The following FGD4 variants were observed in gnomAD, a reference collection of about 807,000 sequenced individuals.
FGD4 encodes the protein FYVE, RhoGEF and PH domain-containing protein 4.
Under a neutral mutation model 102.0 loss-of-function variants are expected in FGD4, and 42 were observed. The observed-to-expected ratio is 0.41, with a 90% confidence interval of 0.32 to 0.53. The LOEUF is 0.53. FGD4 is among the 20% of genes least tolerant of loss of function. The pLI is 0.21. For synonymous variants in FGD4, 380 were observed against 375.7 expected (o/e 1.01, Z -0.13); for missense variants, 902 against 1,078.2 (o/e 0.84, Z 2.29).
At chr12:32,632,113 T>G (rs1950530305) in intron 14 of FGD4, among the ~76,000 whole-genome samples, 1 of 152,186 alleles carries the variant, frequency 6.6e-6, no homozygotes, top group Admixed American at 6.5e-5. Context: ...ATATTTTCTT[T>G]AATATAATTT....
At chr12:32,494,796 T>C (rs1565776033) in intron 1 of FGD4, among the ~76,000 whole-genome samples, 1 of 152,196 alleles carries the variant, frequency 6.6e-6, no homozygotes, top group Non-Finnish European at 1.5e-5. Flanking sequence ...GGAGCTGAGA[T>C]GTCACTGCTG....
chr12:32,537,090 A>G (rs983179983), intron 1 of FGD4, among the ~76,000 whole-genome samples: 1 of 151,968 alleles, frequency 6.6e-6, no homozygotes. Context: ...TTGCATTTTT[A>G]GTAGAGACAG....
At chr12:32,557,112 C>T (rs972328039) in intron 1 of FGD4, 4 of 152,238 alleles carry the variant, frequency 2.6e-5, no homozygotes, top group African/African-American at 9.6e-5. Context: ...CTCACCCTCC[C>T]AAAGTGTTGG....
chr12:32,480,033 CTG>C (rs1373134447), intron 1 of FGD4, among the ~76,000 whole-genome samples: 22 of 152,138 alleles, frequency 1.4e-4, no homozygotes, highest in African/African-American at 5.1e-4. Context: ...CTCAAGTGAT[CTG>C]CCTGCCTCAG....
chr12:32,619,627 GTC>G (rs1449099777), intron 10 of FGD4, 69 bp from the exon 11 acceptor site: 14 of 1,558,178 alleles, frequency 9.0e-6, no homozygotes, highest in Non-Finnish European at 1.2e-5. Context: ...GTGAGACTCT[GTC>G]TCAAAAAAAA....
chr12:32,446,825 G>T (rs1942629017), intron 1 of FGD4, among the ~76,000 whole-genome samples: 1 of 152,152 alleles, frequency 6.6e-6, no homozygotes, highest in African/African-American at 2.4e-5. Flanking sequence ...CCTGCAGTGG[G>T]GACACTGAGG....
chr12:32,422,440 A>C (rs1033228314), intron 1 of FGD4, among the ~76,000 whole-genome samples: 1 of 150,982 alleles, frequency 6.6e-6, no homozygotes, highest in Non-Finnish European at 1.5e-5. Flanking sequence ...CTGGGACTAC[A>C]GGCGCCCGCC....
chr12:32,410,927 T>TTTC (rs1941178610), intron 1 of FGD4, among the ~76,000 whole-genome samples: 6 of 143,012 alleles, frequency 4.2e-5, no homozygotes, highest in African/African-American at 1.2e-4. Flanking sequence ...ACTCTTTTTT[T>TTTC]TTTCTTTTTT....
At chr12:32,562,011 G>A (rs770430290) in intron 1 of FGD4, among the ~76,000 whole-genome samples, 4 of 152,150 alleles carry the variant, frequency 2.6e-5, no homozygotes, top group Non-Finnish European at 4.4e-5. Context: ...GTGTGTGGAC[G>A]TGGGCGCATG....
chr12:32,568,125 T>C (rs186613329), intron 2 of FGD4, among the ~76,000 whole-genome samples: 1 of 152,364 alleles, frequency 6.6e-6, no homozygotes, highest in East Asian at 1.9e-4. Flanking sequence ...TGAAGAATTA[T>C]TTATAGGTTT....
intron 7 of FGD4, among the ~76,000 whole-genome samples, chr12:32,603,871 C>T (rs7954226): frequency 0.42 from 63,472 of 151,682 alleles, 14,925 homozygotes; most frequent in African/African-American, 0.64. Context: ...CTGGCTAAAT[C>T]TTAGAATTTT....
chr12:32,529,144 C>G (rs1305553921), intron 1 of FGD4, among the ~76,000 whole-genome samples: 1 of 152,066 alleles, frequency 6.6e-6, no homozygotes, highest in East Asian at 1.9e-4. Context: ...GAGACGCAGT[C>G]TCACTCTGTC....
chr12:32,540,476 G>A (rs982723572), intron 1 of FGD4, among the ~76,000 whole-genome samples: 5 of 152,108 alleles, frequency 3.3e-5, no homozygotes, highest in African/African-American at 7.2e-5. Flanking sequence ...AGATGAGAAT[G>A]TGGCTAGAGT....
chr12:32,518,485 C>A, intron 1 of FGD4, among the ~76,000 whole-genome samples: 1 of 151,904 alleles, frequency 6.6e-6, no homozygotes, highest in East Asian at 1.9e-4. Context: ...TCTCAAAAAA[C>A]AACAACAAAA....
chr12:32,469,517 GCAGTCTACCCGCCT>G (rs1943358519), intron 1 of FGD4, among the ~76,000 whole-genome samples: 1 of 152,042 alleles, frequency 6.6e-6, no homozygotes, highest in African/African-American at 2.4e-5. Context: ...CTGACCTCAG[GCAGTCTACCCGCCT>G]CAGCCTCCCA....
At chr12:32,455,534 C>T (rs1942925123) in intron 1 of FGD4, among the ~76,000 whole-genome samples, 1 of 151,998 alleles carries the variant, frequency 6.6e-6, no homozygotes, top group African/African-American at 2.4e-5. Context: ...CTAATCAGTT[C>T]AGTATTTTAA....
intron 1 of FGD4, among the ~76,000 whole-genome samples, chr12:32,503,896 CTG>C (rs1938449936): frequency 2.0e-5 from 3 of 152,128 alleles, no homozygotes; most frequent in Non-Finnish European, 2.9e-5. Context: ...CAGAAAAAGG[CTG>C]TGAGTGAATG....
In FGD4 at chr12:32,643,251, A is replaced by G. The variant is rs1008124597; in HGVS notation, c.*2718A>G. 1 of 152,462 alleles carries G rather than the reference A, an allele frequency of 6.6e-6. No homozygotes were observed. The highest frequency in any genetic ancestry group is 1.5e-5 in the Non-Finnish European group (1 of 67,936). 9.4% of individuals were successfully genotyped at this position (152,462 alleles called of 1,614,324 possible). A position where few individuals can be genotyped will look rare whatever the true frequency, so the allele number is the denominator to read the frequency against. On this transcript the variant is annotated 3_prime_UTR_variant, in exon 17 of 17. Coordinates refer to ENST00000534526, the MANE Select transcript of FGD4 (RefSeq NM_001370298.3). ...TGGGGCTCAATAAAAAACACCAGCC[A>G]CTTTTGTAATAATGGCATCACAGTG...
At chr12:32,541,466 A>T (rs1942824844) in intron 1 of FGD4, among the ~76,000 whole-genome samples, 1 of 152,128 alleles carries the variant, frequency 6.6e-6, no homozygotes, top group Non-Finnish European at 1.5e-5. Context: ...TCCGGGTTCA[A>T]GCGGTTCTCC....
Sources: allele counts gnomAD v4.1 joint callset (sites outside exome capture counted in the v4.1 genomes callset), GRCh38; gene constraint gnomAD v4.1.1; transcripts MANE v1.5; gene names NCBI Gene and HGNC (gene_info 2026-07-23, HGNC 2026-07-21).